CHRNA1: variants seen among roughly 807,000 people sequenced by gnomAD.
The protein encoded by CHRNA1 is acetylcholine receptor subunit alpha.
A neutral mutation model predicts 47.1 loss-of-function variants in CHRNA1; 35 were observed. That is an observed-to-expected ratio of 0.74 (90% confidence interval 0.57 to 0.99). The LOEUF (loss-of-function observed/expected upper bound fraction) is 0.99. Ranked by LOEUF, CHRNA1 falls within the 50% of genes least tolerant of loss-of-function variation. CHRNA1 has a pLI of 0.00. For synonymous variants in CHRNA1, 229 were observed against 223.6 expected, an observed-to-expected ratio of 1.02 and a Z score of -0.22; for missense variants, 506 against 591.1, an observed-to-expected ratio of 0.86 and a Z score of 1.49.
chr2:174,754,465 C>T, intron 4 of CHRNA1, 51 bp from the exon 5 acceptor site: 2 of 1,523,736 alleles, frequency 1.3e-6, no homozygotes, highest in Non-Finnish European at 9.1e-7. Flanking sequence ...GATGAGCCTT[C>T]CATTCTGCTT....
intron 5 of CHRNA1, 94 bp downstream of exon 5, chr2:174,754,125 T>C: frequency 8.8e-7 from 1 of 1,140,774 alleles, no homozygotes. Context: ...AAGTTCTAAC[T>C]GGTACTGAGA....
intron 3 of CHRNA1, chr2:174,758,151 G>C: frequency 7.5e-7 from 1 of 1,337,964 alleles, no homozygotes; most frequent in South Asian, 1.2e-5. Context: ...GCTCATGCCT[G>C]TAATCCCAGC....
chr2:174,752,380 G>A (rs971889421), intron 6 of CHRNA1, among the ~76,000 whole-genome samples: 7 of 152,080 alleles, frequency 4.6e-5, no homozygotes, highest in African/African-American at 7.2e-5. Flanking sequence ...GACTGGCCTC[G>A]GCAACATGGT....
At chr2:174,757,110 G>T (rs1683993988) in intron 4 of CHRNA1, among the ~76,000 whole-genome samples, 1 of 151,986 alleles carries the variant, frequency 6.6e-6, no homozygotes, top group Non-Finnish European at 1.5e-5. Context: ...AGAAATATTT[G>T]GTAGGGAAGA....
chr2:174,751,544 A>G (rs1683849488), intron 6 of CHRNA1, among the ~76,000 whole-genome samples: 1 of 152,256 alleles, frequency 6.6e-6, no homozygotes, highest in Non-Finnish European at 1.5e-5. Context: ...GAATACAATT[A>G]CAAATACAAA....
chr2:174,749,898 C>T (rs1453374319), intron 7 of CHRNA1, 48 bp downstream of exon 7: 12 of 1,510,834 alleles, frequency 7.9e-6, no homozygotes, highest in African/African-American at 2.8e-5. Flanking sequence ...GAAGGGGAGG[C>T]CTGTAGATGT....
At chr2:174,760,055 G>A (rs1420078877) in intron 1 of CHRNA1, among the ~76,000 whole-genome samples, 1 of 152,130 alleles carries the variant, frequency 6.6e-6, no homozygotes, top group Non-Finnish European at 1.5e-5. Flanking sequence ...GCCATGAACA[G>A]CCAAAATTGA....
chr2:174,754,331 A>T lies in CHRNA1; in HGVS notation c.428T>A (p.Ile143Asn). ...GATGATCTCACAGTAGCTTTTAAAG[A>T]TGGCTGGAGGTGTCCACGTGATGTG... ...TGHITWTPPA[I>N]FKSYCEIIVT... is the part of the protein sequence containing the mutation. The change falls in exon 5 of 9, where the codon ATC (isoleucine) becomes AAC (asparagine). Residue 143 changes from isoleucine to asparagine, a missense_variant. Physicochemically the swap from Ile to Asn is moderately radical, Grantham distance 149 (BLOSUM62 -3). Coordinates refer to ENST00000348749, the MANE Select transcript of CHRNA1 (RefSeq NM_000079.4). 1 of 1,614,198 alleles carries T rather than the reference A, an allele frequency of 6.2e-7. No individual in the cohort carries two copies. The highest frequency in any genetic ancestry group is 8.5e-7 in the Non-Finnish European group (1 of 1,180,030).
chr2:174,754,466 C>T (rs765071774), intron 4 of CHRNA1, 52 bp from the exon 5 acceptor site: 23 of 1,521,132 alleles, frequency 1.5e-5, no homozygotes, highest in South Asian at 1.5e-4. Context: ...ATGAGCCTTC[C>T]ATTCTGCTTG....
chr2:174,752,708 G>C (rs1259352769), intron 6 of CHRNA1: 1 of 151,126 alleles, frequency 6.6e-6, no homozygotes, highest in Non-Finnish European at 1.5e-5. Flanking sequence ...ATGAGTAAAT[G>C]AATAATCTTT....
At chr2:174,752,044 C>A (rs1372411523) in intron 6 of CHRNA1, among the ~76,000 whole-genome samples, 1 of 151,968 alleles carries the variant, frequency 6.6e-6, no homozygotes, top group Non-Finnish European at 1.5e-5. Context: ...TCCCATAATG[C>A]CCCGACAGTG....
chr2:174,749,987 G>A lies in CHRNA1; in HGVS notation c.961C>T (p.Arg321Cys), dbSNP rs1683814413. The A allele has an allele frequency of 1.2e-6, 2 of 1,614,138 alleles. No homozygotes were observed. Among genetic ancestry groups the A allele is most frequent in the Non-Finnish European group, 1.7e-6 (2 of 1,180,032 alleles). ...GGCATGACATGGGTGCTGGGTGAGCGGTGGTGTGTGTTGATGACGATGACA... is the reference window on the plus strand; with the variant it reads ...GGCATGACATGGGTGCTGGGTGAGCAGTGGTGTGTGTTGATGACGATGACA... ...ITVIVINTHH[R>C]SPSTHVMPNW... Residue 321 changes from arginine (R) to cysteine (C), a missense_variant, in exon 7 of 9, where the codon CGC becomes TGC. Coordinates refer to ENST00000348749, the MANE Select transcript of CHRNA1 (RefSeq NM_000079.4).
At chr2:174,749,672 C>T (rs1158338359) in intron 7 of CHRNA1, among the ~76,000 whole-genome samples, 3 of 152,170 alleles carry the variant, frequency 2.0e-5, no homozygotes, top group African/African-American at 4.8e-5. Flanking sequence ...AAAAAGCAGC[C>T]GTTTGTTCAT....
Position 174,759,490 on chromosome 2 carries a change from C to G in CHRNA1, c.187G>C (p.Val63Leu). 6.2e-7 allele frequency: 1 copy of G among 1,614,140 alleles called. No individual in the cohort carries two copies. The highest frequency in any genetic ancestry group is 8.5e-7 in the Non-Finnish European group (1 of 1,180,028). Reference protein sequence around the residue: ...VGLQLIQLINVDEVNQIVTTN... With the variant: ...VGLQLIQLINLDEVNQIVTTN... ...GGCCCCCAGTGCTCTTGTCTCACCA[C>G]ATTGATGAGCTGTATCAGCTGCAGG... Residue 63 changes from valine to leucine, a missense_variant and splice_region_variant, in exon 2 of 9, where the codon GTG becomes CTG. Transcript: ENST00000348749.
rs752681554 is a variant in CHRNA1 at position 174,748,227 on chromosome 2, A to C, written c.1271T>G (p.Met424Arg). 1 of 1,614,132 alleles carries C rather than the reference A, an allele frequency of 6.2e-7. No individual in the cohort carries two copies. Residue 424 changes from methionine (M) to arginine (R), a missense_variant, in exon 9 of 9, where the codon ATG becomes AGG. Physicochemically the swap from Met to Arg is moderately conservative, Grantham distance 91. Coordinates refer to ENST00000348749, the MANE Select transcript of CHRNA1 (RefSeq NM_000079.4). Reference protein sequence around the residue: ...NAAAEWKYVAMVMDHILLGVF... With the variant: ...NAAAEWKYVARVMDHILLGVF... ...TCCGAGGAGTATGTGGTCCATCACC[A>C]TTGCAACGTACTTCCACTCTGCCGC...
chr2:174,759,750 A>C (rs888825416), intron 1 of CHRNA1, 117 bp from the exon 2 acceptor site: 1 of 1,340,994 alleles, frequency 7.5e-7, no homozygotes, highest in African/African-American at 1.5e-5. Context: ...CAGAAGGCAC[A>C]CAGGCCTCCT....
intron 4 of CHRNA1, among the ~76,000 whole-genome samples, chr2:174,755,661 G>A (rs1367595858): frequency 1.3e-5 from 2 of 152,050 alleles, no homozygotes; most frequent in Non-Finnish European, 2.9e-5. Flanking sequence ...CTTGTGATCT[G>A]CCCGCCTCAG....
intron 1 of CHRNA1, among the ~76,000 whole-genome samples, chr2:174,762,642 T>C (rs2105354141): frequency 6.6e-6 from 1 of 152,322 alleles, no homozygotes; most frequent in Middle Eastern, 3.4e-3. Flanking sequence ...GGCAATGAAG[T>C]GCTTGAGATT....
At chr2:174,752,985 C>A in intron 6 of CHRNA1, 1 of 216,078 alleles carries the variant, frequency 4.6e-6, no homozygotes, top group Non-Finnish European at 9.5e-6. Context: ...GTTGTCTAGG[C>A]TGATATGTGA....
Sources: allele counts gnomAD v4.1 joint callset (sites outside exome capture counted in the v4.1 genomes callset), GRCh38; gene constraint gnomAD v4.1.1; transcripts MANE v1.5; gene names NCBI Gene and HGNC (gene_info 2026-07-23, HGNC 2026-07-21).